Variants in RELN observed in about 807,000 individuals in gnomAD.
RELN encodes the protein reelin.
Under a neutral mutation model 427.6 loss-of-function variants are expected in RELN, and 108 were observed. The ratio of observed to expected loss-of-function variants is 0.25; its 90% CI spans 0.22 to 0.30. The LOEUF (loss-of-function observed/expected upper bound fraction) is 0.30, where lower values mean the gene tolerates loss of function less well. Among genes scored for constraint, RELN ranks in the 10% least tolerant of loss-of-function variants. The pLI is 1.00. For synonymous variants in RELN, 1,524 were observed against 1,513.4 expected (o/e 1.01, Z -0.16); for missense variants, 3,715 against 4,302.8 (o/e 0.86, Z 3.82).
chr7:103,986,867 T>C (rs1265599429), intron 1 of RELN, among the ~76,000 whole-genome samples: 3 of 152,010 alleles, frequency 2.0e-5, no homozygotes, highest in Admixed American at 6.6e-5. Flanking sequence ...CATATCAAAA[T>C]GGGCCAACCA....
chr7:103,498,303 A>G (rs376434227), intron 53 of RELN, 51 bp from the exon 54 acceptor site: 309 of 1,514,106 alleles, frequency 2.0e-4, no homozygotes, highest in Non-Finnish European at 2.6e-4. Context: ...TCAGATAACT[A>G]TGGAATATTT....
At position 103,561,702 on chromosome 7, in the gene RELN, G is replaced by C. The variant is rs115549751; in HGVS notation, c.5359C>G (p.Arg1787Gly). The change falls in exon 36 of 65, where the codon CGG becomes GGG. Residue 1787 changes from arginine (R) to glycine (G), a missense_variant. Around this residue, in one of 4 missense-constraint regions of RELN, gnomAD observed 2,208 missense variants for 2,361.7 expected, o/e 0.93. Transcript: ENST00000428762. ...ACACAATAGGGTCCACCAAAGCCCC[G>C]GTCACACCTAAGAAAGAGAGGGAGT... ...ICDAGRCVCDRGFGGPYCVPV... is the reference protein window; with the variant it reads ...ICDAGRCVCDGGFGGPYCVPV... 3 of 1,613,854 alleles carry C rather than the reference G, an allele frequency of 1.9e-6. No homozygotes were observed. In the East Asian group the frequency reaches 6.7e-5, roughly 36 times the overall value.
At chr7:103,715,628 G>C (rs1394668247) in intron 8 of RELN, among the ~76,000 whole-genome samples, 1 of 152,068 alleles carries the variant, frequency 6.6e-6, no homozygotes, top group Non-Finnish European at 1.5e-5. Flanking sequence ...CCTCCTCCCT[G>C]CTTGTGCCTT....
intron 61 of RELN, 25 bp downstream of exon 61, chr7:103,486,172 G>C (rs1222008743): frequency 9.3e-6 from 15 of 1,604,364 alleles, no homozygotes; most frequent in Non-Finnish European, 1.3e-5. Context: ...TCTATGTCTG[G>C]ACTAAAATAT....
At chr7:103,530,999 T>C (rs1829926174) in intron 46 of RELN, among the ~76,000 whole-genome samples, 1 of 152,220 alleles carries the variant, frequency 6.6e-6, no homozygotes, top group Non-Finnish European at 1.5e-5. Context: ...GGGCTCACTC[T>C]CATTCAAGAT....
In RELN at chr7:103,654,192, G is replaced by T; in HGVS notation, c.1455C>A (p.Asp485Glu). 6.2e-7 allele frequency: 1 copy of T among 1,609,466 alleles called. No homozygotes were observed. ...RFYFVMGGIC[D>E]PGNSHENDII... ...TGTCATTTTCATGAGAATTTCCAGGGTCACAAATTCCTCCTGCACAAAACA... is the reference window on the plus strand; with the variant it reads ...TGTCATTTTCATGAGAATTTCCAGGTTCACAAATTCCTCCTGCACAAAACA... The change falls in exon 13 of 65, where the codon GAC becomes GAA. Residue 485 changes from aspartate to glutamate, a missense_variant. Around this residue, in one of 4 missense-constraint regions of RELN, gnomAD observed 2,208 missense variants for 2,361.7 expected, o/e 0.93. Coordinates refer to ENST00000428762, the MANE Select transcript of RELN (RefSeq NM_005045.4).
At chr7:103,518,524 A>G (rs2117083968) in intron 49 of RELN, among the ~76,000 whole-genome samples, 1 of 86,832 alleles carries the variant, frequency 1.2e-5, no homozygotes, top group Middle Eastern at 5.2e-3. Flanking sequence ...TTTTTTGGTA[A>G]AATGTCTTGC....
chr7:103,636,514 C>T (rs779453851), intron 17 of RELN, 46 bp from the exon 18 acceptor site: 12 of 1,243,830 alleles, frequency 9.6e-6, no homozygotes, highest in East Asian at 7.2e-5. Flanking sequence ...TTGGCTGTTT[C>T]GGAGATTCTC....
chr7:103,796,429 T>C (rs1314989753), intron 3 of RELN, among the ~76,000 whole-genome samples: 1 of 152,212 alleles, frequency 6.6e-6, no homozygotes, highest in Non-Finnish European at 1.5e-5. Context: ...GTTTTGCAAT[T>C]TTAATTTGTG....
intron 16 of RELN, among the ~76,000 whole-genome samples, chr7:103,649,613 G>A (rs921708051): frequency 4.0e-5 from 6 of 151,744 alleles, no homozygotes; most frequent in Non-Finnish European, 5.9e-5. Context: ...AAGAGTTGGT[G>A]ATTAATAACA....
In RELN at chr7:103,661,543, G is replaced by A. The variant is rs1422350126; in HGVS notation, c.1290-16C>T. ...GACATCCCATCTAAAAAAAAAGGGGGATTAAGAGTTAGAGTTAGAATATTA... is the reference window on the plus strand; with the variant it reads ...GACATCCCATCTAAAAAAAAAGGGGAATTAAGAGTTAGAGTTAGAATATTA... On this transcript the variant is annotated splice_polypyrimidine_tract_variant and intron_variant, in intron 11 of 64. Transcript: ENST00000428762. 4.3e-6 allele frequency: 7 copies of A among 1,612,076 alleles called. No individual in the cohort carries two copies. In the South Asian group the frequency reaches 5.5e-5, roughly 13 times the overall value.
chr7:103,833,905 T>C (rs2116409737), intron 2 of RELN, among the ~76,000 whole-genome samples: 1 of 152,174 alleles, frequency 6.6e-6, no homozygotes, highest in Non-Finnish European at 1.5e-5. Flanking sequence ...TTGCTTTGCT[T>C]TGATTTTGTT....
chr7:103,782,424 C>A (rs182358878), intron 3 of RELN, among the ~76,000 whole-genome samples: 2 of 152,126 alleles, frequency 1.3e-5, no homozygotes, highest in South Asian at 2.1e-4. Context: ...CTCTAGGCAA[C>A]AGACTCCCTA....
At chr7:103,539,621 T>A (rs1830132534) in intron 44 of RELN, 1 of 438,046 alleles carries the variant, frequency 2.3e-6, no homozygotes, top group Non-Finnish European at 4.2e-6. Context: ...AAGCAAAATT[T>A]GGCTTATGTG....
intron 12 of RELN, among the ~76,000 whole-genome samples, chr7:103,657,414 A>G (rs986048378): frequency 1.3e-5 from 2 of 152,022 alleles, no homozygotes; most frequent in African/African-American, 4.8e-5. Flanking sequence ...ATATAAGGAT[A>G]TTTATAATTA....
In RELN at chr7:103,803,416, T is replaced by C. The variant is rs142641452; in HGVS notation, c.474-26789A>G. On this transcript the variant is annotated intron_variant, in intron 3 of 64. Coordinates refer to ENST00000428762, the MANE Select transcript of RELN (RefSeq NM_005045.4). ...TAATATACTCAGTGTTCTTTCCTTA[T>C]ATAATAAACTTTAAGAAGTCAGAGA... is the stretch of plus-strand genomic sequence containing the variant. Among the ~76,000 whole-genome samples, 611 of 152,220 alleles carry C rather than the reference T, an allele frequency of 4.0e-3. 4 individuals are homozygous for C. The highest frequency in any genetic ancestry group is 0.014 in the African/African-American group (593 of 41,556).
chr7:103,512,208 A>G (rs1267151354), intron 50 of RELN, among the ~76,000 whole-genome samples: 1 of 152,186 alleles, frequency 6.6e-6, no homozygotes, highest in African/African-American at 2.4e-5. Flanking sequence ...TAATTAGATA[A>G]ACAAATGATT....
At chr7:103,494,159 A>G (rs1292106092) in intron 57 of RELN, among the ~76,000 whole-genome samples, 1 of 152,136 alleles carries the variant, frequency 6.6e-6, no homozygotes, top group Non-Finnish European at 1.5e-5. Flanking sequence ...CTCCTGAAGG[A>G]GTGGTAGCAT....
At chr7:103,629,118 A>T (rs911736535) in intron 20 of RELN, among the ~76,000 whole-genome samples, 2 of 152,070 alleles carry the variant, frequency 1.3e-5, no homozygotes, top group Non-Finnish European at 2.9e-5. Flanking sequence ...CCACTTTCCA[A>T]TCAGTAGAAT....
Sources: allele counts gnomAD v4.1 joint callset (sites outside exome capture counted in the v4.1 genomes callset), GRCh38; gene constraint gnomAD v4.1.1; regional missense constraint gnomAD v4.1.1; transcripts MANE v1.5; gene names NCBI Gene and HGNC (gene_info 2026-07-23, HGNC 2026-07-21).